DCC: variants seen among roughly 807,000 people sequenced by gnomAD.
DCC encodes the protein netrin receptor DCC.
Under a neutral mutation model 172.5 loss-of-function variants are expected in DCC, and 58 were observed. The ratio of observed to expected loss-of-function variants is 0.34; its 90% CI spans 0.27 to 0.42. The LOEUF (loss-of-function observed/expected upper bound fraction) is 0.42, where lower values mean the gene tolerates loss of function less well. Among genes scored for constraint, DCC ranks in the 10% least tolerant of loss-of-function variants. The pLI, the probability that DCC is intolerant of heterozygous loss-of-function variation, is 1.00. For synonymous variants in DCC, 709 were observed against 644.5 expected (o/e 1.10, Z -1.52); for missense variants, 1,740 against 1,791.0 (o/e 0.97, Z 0.51).
intron 7 of DCC, among the ~76,000 whole-genome samples, chr18:53,091,388 TTATA>T: frequency 6.9e-6 from 1 of 145,944 alleles, no homozygotes; most frequent in Middle Eastern, 3.6e-3. Flanking sequence ...TATATGTAAA[TTATA>T]TATAAATATA....
chr18:53,246,936 G>C (rs1212903380), intron 12 of DCC, among the ~76,000 whole-genome samples: 1 of 152,048 alleles, frequency 6.6e-6, no homozygotes. Context: ...CTTTAGTATA[G>C]CCTATAAATG....
chr18:53,102,085 G>T (rs963960369), intron 7 of DCC, among the ~76,000 whole-genome samples: 1 of 152,040 alleles, frequency 6.6e-6, no homozygotes, highest in African/African-American at 2.4e-5. Flanking sequence ...ATCAGTAGAG[G>T]CCATGCTCAT....
At chr18:52,894,513 C>G (rs1185371496) in intron 2 of DCC, among the ~76,000 whole-genome samples, 1 of 150,982 alleles carries the variant, frequency 6.6e-6, no homozygotes, top group East Asian at 1.9e-4. Context: ...TATATAGGAT[C>G]TATCCATCTA....
chr18:53,148,574 G>GGCCTCACAA (rs1367323151), intron 7 of DCC, among the ~76,000 whole-genome samples: 1 of 152,044 alleles, frequency 6.6e-6, no homozygotes, highest in East Asian at 1.9e-4. Flanking sequence ...GATTAAAGGT[G>GGCCTCACAA]GCCTCACAAA....
intron 1 of DCC, among the ~76,000 whole-genome samples, chr18:52,471,923 C>G (rs1383875199): frequency 1.3e-5 from 2 of 152,128 alleles, no homozygotes; most frequent in Non-Finnish European, 2.9e-5. Flanking sequence ...AAAGGAGTCT[C>G]CAACAATGAA....
At chr18:52,449,305 C>A (rs747876201) in intron 1 of DCC, among the ~76,000 whole-genome samples, 4 of 152,154 alleles carry the variant, frequency 2.6e-5, no homozygotes, top group Non-Finnish European at 5.9e-5. Flanking sequence ...CATATCAGAG[C>A]CCTTTGAAAA....
chr18:53,358,410 T>A (rs985792327), intron 15 of DCC, among the ~76,000 whole-genome samples: 3 of 152,052 alleles, frequency 2.0e-5, no homozygotes, highest in Non-Finnish European at 4.4e-5. Flanking sequence ...AAAGACCAAA[T>A]GATTTATTAT....
intron 5 of DCC, among the ~76,000 whole-genome samples, chr18:52,949,202 G>C (rs1244354986): frequency 6.6e-6 from 1 of 152,210 alleles, no homozygotes. Context: ...TCTTGTTAAA[G>C]TACTGTCAGC....
At chr18:52,361,583 G>T (rs1054233092) in intron 1 of DCC, among the ~76,000 whole-genome samples, 6 of 152,118 alleles carry the variant, frequency 3.9e-5, no homozygotes, top group African/African-American at 1.4e-4. Context: ...ATGTTCAACT[G>T]CCCTCTTGAA....
At chr18:53,470,971 A>G (rs550119781) in intron 25 of DCC, among the ~76,000 whole-genome samples, 20 of 152,250 alleles carry the variant, frequency 1.3e-4, no homozygotes, top group African/African-American at 4.8e-4. Flanking sequence ...CTTCATTCTG[A>G]TTTCCTTATA....
Position 53,397,496 on chromosome 18 carries a change from G to A in DCC, c.2827+50G>A, listed in dbSNP as rs765596530. On this transcript the variant is annotated intron_variant, in intron 18 of 28. Coordinates refer to ENST00000442544, the MANE Select transcript of DCC (RefSeq NM_005215.4). ...GACCCTTGATAATGGTGTTTCCCAGGTTCTGTGGAAATTAGAACATGTGTT... is the reference window on the plus strand; with the variant it reads ...GACCCTTGATAATGGTGTTTCCCAGATTCTGTGGAAATTAGAACATGTGTT... 55 of 1,607,266 alleles carry A rather than the reference G, an allele frequency of 3.4e-5. 2 individuals are homozygous for A. In the Middle Eastern group the frequency reaches 5.0e-4, roughly 14 times the overall value.
intron 12 of DCC, among the ~76,000 whole-genome samples, chr18:53,220,519 G>A (rs1443367148): frequency 1.3e-5 from 2 of 152,136 alleles, no homozygotes; most frequent in Non-Finnish European, 1.5e-5. Context: ...CCTCACAAAT[G>A]TAGTAGGTTT....
chr18:52,693,253 A>G (rs533139737), intron 1 of DCC, among the ~76,000 whole-genome samples: 3 of 151,356 alleles, frequency 2.0e-5, no homozygotes, highest in African/African-American at 7.3e-5. Flanking sequence ...TTATACATAT[A>G]TAGATTTGTA....
intron 2 of DCC, among the ~76,000 whole-genome samples, chr18:52,874,346 C>T (rs2039369807): frequency 6.6e-6 from 1 of 152,074 alleles, no homozygotes; most frequent in Admixed American, 6.5e-5. Context: ...TTCGAAATGG[C>T]CATATTTTCT....
At chr18:52,957,768 C>T (rs1252928792) in intron 5 of DCC, among the ~76,000 whole-genome samples, 4 of 151,856 alleles carry the variant, frequency 2.6e-5, no homozygotes, top group African/African-American at 7.3e-5. Flanking sequence ...GCTCCATGTG[C>T]GAAGAACTCA....
chr18:52,516,977 G>A lies in DCC; in HGVS notation c.91+176099G>A, dbSNP rs534406289. Among the ~76,000 whole-genome samples, 75 of 152,266 alleles carry A rather than the reference G, an allele frequency of 4.9e-4. No individual in the cohort carries two copies. The South Asian group carries it at 0.015, about 30-fold the overall frequency. Reference sequence around the variant, plus strand: ...AGGGATTTTTAACATAAGGTAATCTGTGTCTGTGTAACCAGGCACACGTAA... The same window carrying A: ...AGGGATTTTTAACATAAGGTAATCTATGTCTGTGTAACCAGGCACACGTAA... On this transcript the variant is annotated intron_variant, in intron 1 of 28. Transcript: ENST00000442544.
At chr18:53,264,541 C>A (rs1416107691) in intron 12 of DCC, among the ~76,000 whole-genome samples, 1 of 151,416 alleles carries the variant, frequency 6.6e-6, no homozygotes, top group Non-Finnish European at 1.5e-5. Flanking sequence ...CTAGGCAATC[C>A]CCATGCAATG....
intron 5 of DCC, among the ~76,000 whole-genome samples, chr18:53,037,518 T>C (rs1010945807): frequency 2.0e-5 from 3 of 151,886 alleles, no homozygotes; most frequent in African/African-American, 7.2e-5. Context: ...TGCCTCTTGG[T>C]CCCGCAAGAG....
chr18:52,870,143 G>A (rs1016037659), intron 2 of DCC, among the ~76,000 whole-genome samples: 4 of 152,334 alleles, frequency 2.6e-5, no homozygotes, highest in Admixed American at 6.5e-5. Context: ...TCCGGGGAGT[G>A]CTGCACGAGC....
Sources: allele counts gnomAD v4.1 joint callset (sites outside exome capture counted in the v4.1 genomes callset), GRCh38; gene constraint gnomAD v4.1.1; transcripts MANE v1.5; gene names NCBI Gene and HGNC (gene_info 2026-07-23, HGNC 2026-07-21).